PRKCA: variants seen among roughly 807,000 people sequenced by gnomAD.
PRKCA encodes protein kinase C alpha type.
Under a neutral mutation model 87.0 loss-of-function variants are expected in PRKCA, and 27 were observed. That is an observed-to-expected ratio of 0.31 (90% CI 0.23 to 0.43). PRKCA has a LOEUF of 0.43. Among genes scored for constraint, PRKCA ranks in the 20% least tolerant of loss-of-function variants. The pLI is 1.00. For synonymous variants in PRKCA, 329 were observed against 311.1 expected, an observed-to-expected ratio of 1.06 and a Z score of -0.61; for missense variants, 518 against 852.3, an observed-to-expected ratio of 0.61 and a Z score of 4.88.
intron 3 of PRKCA, among the ~76,000 whole-genome samples, chr17:66,505,140 G>T (rs1452637754): frequency 1.3e-5 from 2 of 152,184 alleles, no homozygotes; most frequent in Admixed American, 6.5e-5. Context: ...TTATGTACCA[G>T]ATTCACAGTA....
chr17:66,459,231 A>C (rs1344494401), intron 2 of PRKCA, among the ~76,000 whole-genome samples: 1 of 151,954 alleles, frequency 6.6e-6, no homozygotes, highest in Non-Finnish European at 1.5e-5. Flanking sequence ...AAATACAAAA[A>C]TTAGCTGGAG....
At chr17:66,306,921 C>G (rs764070488) in intron 2 of PRKCA, among the ~76,000 whole-genome samples, 4 of 152,056 alleles carry the variant, frequency 2.6e-5, no homozygotes, top group Admixed American at 6.6e-5. Context: ...AGTTCTGGTT[C>G]CATTTCCCAT....
chr17:66,541,825 T>G (rs1191617276), intron 3 of PRKCA, among the ~76,000 whole-genome samples: 1 of 152,268 alleles, frequency 6.6e-6, no homozygotes, highest in Non-Finnish European at 1.5e-5. Flanking sequence ...AAAACTCTTC[T>G]GAGTCTCTGA....
chr17:66,605,711 G>A (rs761992033), intron 3 of PRKCA, among the ~76,000 whole-genome samples: 1 of 152,216 alleles, frequency 6.6e-6, no homozygotes, highest in Non-Finnish European at 1.5e-5. Flanking sequence ...CTAAGTAAGT[G>A]TGATATATTC....
At chr17:66,446,611 T>G (rs1027080025) in intron 2 of PRKCA, among the ~76,000 whole-genome samples, 1 of 152,178 alleles carries the variant, frequency 6.6e-6, no homozygotes, top group Non-Finnish European at 1.5e-5. Context: ...GAGCACCAGG[T>G]GGGCTTGTAC....
intron 13 of PRKCA, among the ~76,000 whole-genome samples, chr17:66,757,762 TC>T (rs2144284962): frequency 6.6e-6 from 1 of 152,254 alleles, no homozygotes; most frequent in African/African-American, 2.4e-5. Context: ...TCTTGCTCTG[TC>T]CCCCAGGCTG....
At chr17:66,564,967 A>G in intron 3 of PRKCA, among the ~76,000 whole-genome samples, 1 of 152,100 alleles carries the variant, frequency 6.6e-6, no homozygotes, top group Non-Finnish European at 1.5e-5. Flanking sequence ...GTGATAGAGT[A>G]AGACTCCGTG....
At position 66,687,228 on chromosome 17, in the gene PRKCA, G is replaced by A. The variant is rs532000022; in HGVS notation, c.647G>A (p.Arg216His). 3.1e-6 allele frequency: 5 copies of A among 1,614,010 alleles called. No homozygotes were observed. Among genetic ancestry groups the A allele is most frequent in the African/African-American group, 1.3e-5 (1 of 74,996 alleles). ...AGCAAGCAAAAAACCAAAACCATCC[G>A]CTCCACACTAAATCCGCAGTGGAAT... is the stretch of plus-strand genomic sequence containing the variant. The part of the protein sequence containing the change: ...NESKQKTKTI[R>H]STLNPQWNES... Residue 216 changes from arginine to histidine, a missense_variant, in exon 6 of 17, where the codon CGC (arginine) becomes CAC (histidine). By Grantham distance (29) the Arg-to-His change is conservative. Around this residue, in one of 5 missense-constraint regions of PRKCA, gnomAD observed 300 missense variants for 496.8 expected, o/e 0.60. Coordinates refer to ENST00000413366, the MANE Select transcript of PRKCA (RefSeq NM_002737.3).
chr17:66,649,439 T>C (rs1971535400), intron 5 of PRKCA, among the ~76,000 whole-genome samples: 2 of 152,240 alleles, frequency 1.3e-5, no homozygotes, highest in South Asian at 4.1e-4. Context: ...CATTGCTTCA[T>C]TGACTCCCCA....
intron 14 of PRKCA, chr17:66,774,705 C>T: frequency 1.0e-6 from 1 of 985,762 alleles, no homozygotes; most frequent in African/African-American, 1.7e-5. Flanking sequence ...ATATGGTTCC[C>T]TGCAAGTTTG....
chr17:66,718,655 A>T (rs1192583463), intron 8 of PRKCA, among the ~76,000 whole-genome samples: 3 of 152,096 alleles, frequency 2.0e-5, no homozygotes, highest in Non-Finnish European at 4.4e-5. Context: ...CACTAATCCC[A>T]TTCGTGAGGG....
At chr17:66,582,912 A>G (rs887798) in intron 3 of PRKCA, among the ~76,000 whole-genome samples, 90,937 of 151,954 alleles carry the variant, frequency 0.6, 28,613 homozygotes, top group African/African-American at 0.8. Context: ...TCAGCAGCAC[A>G]GACTTTGGGG....
chr17:66,476,653 C>A (rs75680003), intron 2 of PRKCA, among the ~76,000 whole-genome samples: 22 of 152,296 alleles, frequency 1.4e-4, no homozygotes, highest in Non-Finnish European at 3.2e-4. Context: ...TCTCCCCTCA[C>A]TGGCCTGTGT....
At chr17:66,440,704 A>G (rs1295907108) in intron 2 of PRKCA, among the ~76,000 whole-genome samples, 1 of 152,114 alleles carries the variant, frequency 6.6e-6, no homozygotes, top group Non-Finnish European at 1.5e-5. Flanking sequence ...AGTGAGAGCC[A>G]GTGAGGGACA....
intron 3 of PRKCA, among the ~76,000 whole-genome samples, chr17:66,522,630 G>A (rs1967201431): frequency 6.6e-6 from 1 of 152,102 alleles, no homozygotes; most frequent in South Asian, 2.1e-4. Context: ...TGTTGAAGGG[G>A]AGGAACCAGC....
At chr17:66,686,871 CAGGCTGGTGCTAAGTCCCAAG>C (rs1972642212) in intron 5 of PRKCA, among the ~76,000 whole-genome samples, 1 of 152,170 alleles carries the variant, frequency 6.6e-6, no homozygotes, top group Non-Finnish European at 1.5e-5. Context: ...GCTGCCAGTC[CAGGCTGGTGCTAAGTCCCAAG>C]ACCCACCCAC....
chr17:66,508,086 C>T (rs1174227074), intron 3 of PRKCA, among the ~76,000 whole-genome samples: 1 of 152,160 alleles, frequency 6.6e-6, no homozygotes, highest in East Asian at 1.9e-4. Flanking sequence ...ACTGTTTCAG[C>T]CTCTGATGGT....
At chr17:66,758,900 T>C (rs74831470) in intron 13 of PRKCA, among the ~76,000 whole-genome samples, 3,685 of 152,316 alleles carry the variant, frequency 0.024, 66 homozygotes, top group Non-Finnish European at 0.035. Context: ...TGATCTAACA[T>C]GAGTTTTTTT....
intron 2 of PRKCA, among the ~76,000 whole-genome samples, chr17:66,429,006 T>A (rs1228858881): frequency 6.6e-6 from 1 of 152,200 alleles, no homozygotes; most frequent in Non-Finnish European, 1.5e-5. Flanking sequence ...TATTTTTAAA[T>A]GTAGTTGGAA....
Sources: gnomAD v4.1 joint callset for allele counts (sites outside exome capture counted in the v4.1 genomes callset) on GRCh38, gnomAD v4.1.1 for gene constraint, gnomAD v4.1.1 regional missense constraint, MANE v1.5 for transcripts, NCBI Gene and HGNC (gene_info 2026-07-23, HGNC 2026-07-21) for gene names.